Variants in ASCC3 observed in about 807,000 individuals in gnomAD.
ASCC3 encodes activating signal cointegrator 1 complex subunit 3, also known as ASC-1 complex subunit P200.
Under a neutral mutation model 256.3 loss-of-function variants are expected in ASCC3, and 158 were observed. The ratio of observed to expected loss-of-function variants is 0.62; its 90% CI spans 0.54 to 0.70. The LOEUF (loss-of-function observed/expected upper bound fraction) is 0.70, where lower values mean the gene tolerates loss of function less well. Among genes scored for constraint, ASCC3 ranks in the 30% least tolerant of loss-of-function variants. The probability of loss-of-function intolerance (pLI) is 0.00; values close to 1 mark genes in which losing one functional copy is unlikely to be tolerated. For missense variants in ASCC3, 2,259 were observed against 2,626.0 expected (o/e 0.86, Z 3.05); for synonymous variants, 948 against 883.4 (o/e 1.07, Z -1.30).
chr6:100,766,788 T>A, intron 9 of ASCC3, 83 bp from the exon 10 acceptor site: 2 of 1,496,526 alleles, frequency 1.3e-6, no homozygotes, highest in Non-Finnish European at 1.9e-6. Context: ...AAGTCACAAT[T>A]TATTGTGAAA....
chr6:100,817,120 A>C (rs1294222945), intron 4 of ASCC3, among the ~76,000 whole-genome samples: 2 of 151,998 alleles, frequency 1.3e-5, no homozygotes. Context: ...AAAGAAATTT[A>C]AAATTTAGAA....
intron 36 of ASCC3, among the ~76,000 whole-genome samples, chr6:100,560,172 T>C (rs986232873): frequency 6.6e-6 from 1 of 152,162 alleles, no homozygotes; most frequent in South Asian, 2.1e-4. Flanking sequence ...TTAGTTAATG[T>C]TTGCAAAATT....
At chr6:100,781,257 T>G (rs1054841710) in intron 8 of ASCC3, among the ~76,000 whole-genome samples, 1 of 152,208 alleles carries the variant, frequency 6.6e-6, no homozygotes. Flanking sequence ...TCCACAAGTG[T>G]TTTTTATCAT....
chr6:100,821,755 C>T (rs760146966), intron 4 of ASCC3, among the ~76,000 whole-genome samples: 24 of 151,724 alleles, frequency 1.6e-4, no homozygotes, highest in Non-Finnish European at 2.9e-4. Flanking sequence ...ACCCAGGAGG[C>T]GGAGGTTGTA....
At chr6:100,607,143 TA>T (rs1772936096) in intron 30 of ASCC3, 55 bp from the exon 31 acceptor site, 6 of 1,554,114 alleles carry the variant, frequency 3.9e-6, no homozygotes. Context: ...AAATTTTCAT[TA>T]ATTTTTCATG....
Position 100,647,395 on chromosome 6 carries a change from A to T in ASCC3, c.3309T>A (p.Pro1103=). ...LFEIALRKRW[P]TMTYRLLNLS... is the part of the protein sequence containing the mutation. ...GATTCAGGAGCCTGTAGGTCATGGT[A>T]GGCCAACGTTTCCTCAGAGCAATTT... Residue 1103 remains proline (P), a synonymous_variant, in exon 21 of 42, where the codon CCT becomes CCA. Transcript: ENST00000369162. The T allele has an allele frequency of 1.2e-6, 2 of 1,614,052 alleles. No homozygotes were observed. The highest frequency in any genetic ancestry group is 8.5e-7 in the Non-Finnish European group (1 of 1,179,964).
At chr6:100,530,296 G>A (rs569683394) in intron 37 of ASCC3, 3 of 1,425,116 alleles carry the variant, frequency 2.1e-6, no homozygotes, top group South Asian at 1.2e-5. Context: ...TGAAATCATC[G>A]CAGAAGGATA....
At chr6:100,726,930 T>C (rs1351553800) in intron 10 of ASCC3, among the ~76,000 whole-genome samples, 1 of 152,066 alleles carries the variant, frequency 6.6e-6, no homozygotes, top group Non-Finnish European at 1.5e-5. Context: ...GCCTGTCCAC[T>C]GGGAAAATGG....
In ASCC3 at chr6:100,642,739, T is replaced by C. The variant is rs1775191537; in HGVS notation, c.3743A>G (p.Lys1248Arg). 6.2e-7 allele frequency: 1 copy of C among 1,613,078 alleles called. No individual in the cohort carries two copies. Among genetic ancestry groups the C allele is most frequent in the East Asian group, 2.2e-5 (1 of 44,806 alleles). The change falls in exon 24 of 42, where the codon AAA (lysine) becomes AGA (arginine). Residue 1248 changes from lysine (K) to arginine (R), a missense_variant. Lys to Arg is a conservative substitution (Grantham distance 26, BLOSUM62 2). Around this residue, in one of 2 missense-constraint regions of ASCC3, gnomAD observed 1,839 missense variants for 2,206.7 expected, o/e 0.83. Transcript: ENST00000369162. ...FLALKKQVIS[K>R]EAQLLVFTIP... is the part of the protein sequence containing the mutation. ...TGTAAATACCAGTAGTTGGGCTTCT[T>C]TACTAATGACCTAATATGAAATACA...
chr6:100,567,639 T>C (rs1224132013), intron 36 of ASCC3, among the ~76,000 whole-genome samples: 1 of 152,202 alleles, frequency 6.6e-6, no homozygotes, highest in Non-Finnish European at 1.5e-5. Context: ...CTCCCACTTA[T>C]AGGTGAGAAC....
chr6:100,621,949 G>A (rs1773973541), intron 30 of ASCC3, among the ~76,000 whole-genome samples: 2 of 152,166 alleles, frequency 1.3e-5, no homozygotes, highest in South Asian at 2.1e-4. Context: ...GGGCATGGAT[G>A]GAGCTGGAAG....
chr6:100,613,045 TAA>T (rs1773485332), intron 30 of ASCC3, among the ~76,000 whole-genome samples: 1 of 151,858 alleles, frequency 6.6e-6, no homozygotes, highest in South Asian at 2.1e-4. Flanking sequence ...TAGTTTGGCT[TAA>T]TTCTTTTTTT....
chr6:100,678,170 C>T (rs974282623), intron 14 of ASCC3, among the ~76,000 whole-genome samples: 4 of 151,846 alleles, frequency 2.6e-5, no homozygotes, highest in South Asian at 2.1e-4. Flanking sequence ...AATAATAAAC[C>T]GGCATTATTT....
intron 30 of ASCC3, among the ~76,000 whole-genome samples, chr6:100,613,054 T>C (rs1012854250): frequency 2.4e-4 from 36 of 151,580 alleles, no homozygotes; most frequent in East Asian, 1.9e-4. Context: ...TTAATTCTTT[T>C]TTTCTTTCTT....
At chr6:100,828,636 G>A (rs569986687) in intron 4 of ASCC3, among the ~76,000 whole-genome samples, 329 of 152,164 alleles carry the variant, frequency 2.2e-3, no homozygotes, top group African/African-American at 7.6e-3. Flanking sequence ...GGATCTTCGC[G>A]GTGAGTGTTA....
intron 8 of ASCC3, among the ~76,000 whole-genome samples, chr6:100,796,202 G>A (rs1263783231): frequency 1.3e-5 from 2 of 152,150 alleles, no homozygotes; most frequent in Non-Finnish European, 2.9e-5. Context: ...ACCAAATGCT[G>A]GTTAGTATGT....
In ASCC3 at chr6:100,625,276, T is replaced by C. The variant is rs778047681; in HGVS notation, c.4701A>G (p.Gln1567=). 7.4e-6 allele frequency: 12 copies of C among 1,612,838 alleles called. No individual in the cohort carries two copies. The Admixed American group carries it at 1.0e-4, about 13-fold the overall frequency. The stretch of plus-strand genomic sequence containing the variant: ...TCAATTCCAAAGCAGTAAGACGAGT[T>C]TGACGTCTTGATGAGACAAATATCA... ...PVLIFVSSRR[Q]TRLTALELIA... is the part of the protein sequence containing the mutation. The change falls in exon 30 of 42, where the codon CAA becomes CAG. Residue 1567 remains glutamine, a synonymous_variant. Coordinates refer to ENST00000369162, the MANE Select transcript of ASCC3 (RefSeq NM_006828.4).
intron 10 of ASCC3, among the ~76,000 whole-genome samples, chr6:100,726,589 G>A (rs1261342179): frequency 6.6e-6 from 1 of 152,046 alleles, no homozygotes; most frequent in African/African-American, 2.4e-5. Flanking sequence ...TTGGATTTCA[G>A]ATTTTCAAAT....
chr6:100,779,993 A>T (rs939146487), intron 8 of ASCC3, among the ~76,000 whole-genome samples: 21 of 152,320 alleles, frequency 1.4e-4, no homozygotes, highest in Non-Finnish European at 2.2e-4. Context: ...AAAAATATTT[A>T]AAAACATTTT....
Sources: gnomAD v4.1 joint callset for allele counts (sites outside exome capture counted in the v4.1 genomes callset) on GRCh38, gnomAD v4.1.1 for gene constraint, gnomAD v4.1.1 regional missense constraint, MANE v1.5 for transcripts, NCBI Gene and HGNC (gene_info 2026-07-23, HGNC 2026-07-21) for gene names.